The following PHACTR1 variants were observed in gnomAD, a reference collection of about 807,000 sequenced individuals.
PHACTR1 encodes phosphatase and actin regulator 1, also known as RPEL repeat containing 1.
In PHACTR1, 16 loss-of-function variants were observed where a neutral mutation model predicts 69.2. The observed-to-expected ratio is 0.23, with a 90% CI of 0.16 to 0.35. The LOEUF is 0.35. PHACTR1 is among the 10% of genes least tolerant of loss of function. PHACTR1 has a pLI of 1.00. For synonymous variants in PHACTR1, 312 were observed against 284.5 expected, an observed-to-expected ratio of 1.10 and a Z score of -0.97; for missense variants, 510 against 734.7, an observed-to-expected ratio of 0.69 and a Z score of 3.54.
chr6:13,235,608 T>A (rs994381061), intron 10 of PHACTR1, among the ~76,000 whole-genome samples: 8 of 152,220 alleles, frequency 5.3e-5, no homozygotes, highest in Admixed American at 5.2e-4. Context: ...TCACTAGGTA[T>A]GGGGTGTTCT....
chr6:13,034,023 CTT>C (rs9331376), intron 4 of PHACTR1, among the ~76,000 whole-genome samples: 80,264 of 148,928 alleles, frequency 0.54, 22,051 homozygotes, highest in East Asian at 0.83. Context: ...TTTCTTTTTT[CTT>C]TTTTTTTTTT....
intron 4 of PHACTR1, among the ~76,000 whole-genome samples, chr6:12,968,533 C>T (rs187962422): frequency 2.6e-5 from 4 of 152,156 alleles, no homozygotes; most frequent in South Asian, 2.1e-4. Flanking sequence ...AACATTTGCC[C>T]GTTAAACAAT....
At chr6:12,722,339 C>A (rs1337552287) in intron 3 of PHACTR1, among the ~76,000 whole-genome samples, 2 of 152,196 alleles carry the variant, frequency 1.3e-5, no homozygotes, top group African/African-American at 4.8e-5. Flanking sequence ...CACATGACAG[C>A]CTCATATCAA....
intron 4 of PHACTR1, among the ~76,000 whole-genome samples, chr6:12,922,932 G>C (rs1379569517): frequency 6.6e-6 from 1 of 152,130 alleles, no homozygotes; most frequent in Non-Finnish European, 1.5e-5. Context: ...CTCTGCATCA[G>C]ACCCCGGAGT....
chr6:13,193,126 G>A (rs1323445863), intron 7 of PHACTR1, among the ~76,000 whole-genome samples: 2 of 151,800 alleles, frequency 1.3e-5, no homozygotes, highest in Admixed American at 1.3e-4. Context: ...AAGGAAACAG[G>A]CATGCTCTTA....
chr6:12,847,655 T>C (rs567452916), intron 4 of PHACTR1, among the ~76,000 whole-genome samples: 1 of 151,972 alleles, frequency 6.6e-6, no homozygotes, highest in African/African-American at 2.4e-5. Flanking sequence ...AGCCATCTAG[T>C]ATAAGAAAAA....
chr6:12,845,383 A>G (rs1234003766), intron 4 of PHACTR1, among the ~76,000 whole-genome samples: 1 of 145,014 alleles, frequency 6.9e-6, no homozygotes, highest in Non-Finnish European at 1.5e-5. Context: ...ATTCTTTTGC[A>G]GAGAGAAAGG....
chr6:13,053,288 CGTT>C (rs1243871288), intron 4 of PHACTR1, 74 bp from the exon 5 acceptor site: 1 of 1,365,854 alleles, frequency 7.3e-7, no homozygotes, highest in East Asian at 2.5e-5. Context: ...CCATGGAAAA[CGTT>C]GGCCATCTGT....
At chr6:12,836,062 CAAT>C (rs1778126639) in intron 4 of PHACTR1, among the ~76,000 whole-genome samples, 2 of 152,038 alleles carry the variant, frequency 1.3e-5, no homozygotes, top group Non-Finnish European at 2.9e-5. Context: ...CACAAAACAA[CAAT>C]AATAATGGTT....
intron 5 of PHACTR1, among the ~76,000 whole-genome samples, chr6:13,082,384 G>C (rs1811538741): frequency 6.6e-6 from 1 of 152,104 alleles, no homozygotes; most frequent in Admixed American, 6.6e-5. Context: ...CCAGCATTCA[G>C]GTAAAATAAA....
At chr6:12,728,580 A>G (rs1427319053) in intron 3 of PHACTR1, among the ~76,000 whole-genome samples, 3 of 152,110 alleles carry the variant, frequency 2.0e-5, no homozygotes, top group African/African-American at 7.2e-5. Context: ...AAGTTATTTA[A>G]TCTCTCTCTG....
chr6:12,928,147 A>G (rs1023660879), intron 4 of PHACTR1, among the ~76,000 whole-genome samples: 3 of 151,968 alleles, frequency 2.0e-5, no homozygotes, highest in Admixed American at 6.6e-5. Flanking sequence ...ATGCCCCCCA[A>G]TTTCACCCAG....
At chr6:12,821,174 A>G (rs1214749058) in intron 4 of PHACTR1, among the ~76,000 whole-genome samples, 1 of 152,104 alleles carries the variant, frequency 6.6e-6, no homozygotes, top group African/African-American at 2.4e-5. Context: ...TGAGAAGCTG[A>G]CCACTGGCCA....
At chr6:12,757,802 C>G (rs987873260) in intron 4 of PHACTR1, among the ~76,000 whole-genome samples, 2 of 152,056 alleles carry the variant, frequency 1.3e-5, no homozygotes, top group Non-Finnish European at 2.9e-5. Context: ...ATCAGACATC[C>G]AAGTGGCTAC....
At chr6:13,108,568 GT>G (rs1310198785) in intron 5 of PHACTR1, among the ~76,000 whole-genome samples, 1 of 151,748 alleles carries the variant, frequency 6.6e-6, no homozygotes, top group Non-Finnish European at 1.5e-5. Flanking sequence ...TATATATGTT[GT>G]CTTTAAAAAT....
rs116667352 is a variant in PHACTR1 at position 12,877,132 on chromosome 6, C to T, written c.250+127342C>T. The stretch of plus-strand genomic sequence containing the variant: ...GCACCCTCACAGACACATGTAGAAA[C>T]GGTGTTTACTCTGAGCACCCTGTGG... On this transcript the variant is annotated intron_variant, in intron 4 of 14. Transcript: ENST00000332995. 8.2e-3 allele frequency among the ~76,000 whole-genome samples: 1,255 copies of T among 152,282 alleles called. 9 individuals are homozygous for T. The highest frequency in any genetic ancestry group is 0.031 in the Middle Eastern group (9 of 294).
At chr6:12,923,604 T>C (rs1787950206) in intron 4 of PHACTR1, among the ~76,000 whole-genome samples, 1 of 152,222 alleles carries the variant, frequency 6.6e-6, no homozygotes, top group Non-Finnish European at 1.5e-5. Flanking sequence ...ATCTTATCAT[T>C]ATCCTTGCCA....
At chr6:13,109,284 C>T (rs1440344744) in intron 5 of PHACTR1, among the ~76,000 whole-genome samples, 1 of 151,876 alleles carries the variant, frequency 6.6e-6, no homozygotes, top group Non-Finnish European at 1.5e-5. Flanking sequence ...TTGTTTTCTT[C>T]AGCCCTAAAA....
At chr6:13,019,809 T>A in intron 4 of PHACTR1, among the ~76,000 whole-genome samples, 1 of 152,222 alleles carries the variant, frequency 6.6e-6, no homozygotes, top group Admixed American at 6.5e-5. Flanking sequence ...GGATCAGTAC[T>A]TGTTTCCTAG....
Sources: allele counts gnomAD v4.1 joint callset (sites outside exome capture counted in the v4.1 genomes callset), GRCh38; gene constraint gnomAD v4.1.1; transcripts MANE v1.5; gene names NCBI Gene and HGNC (gene_info 2026-07-23, HGNC 2026-07-21).